TTN: variants seen among roughly 807,000 people sequenced by gnomAD.
TTN encodes titin.
A neutral mutation model predicts 3,223.0 loss-of-function variants in TTN; 1,525 were observed. The observed-to-expected ratio is 0.47, with a 90% CI of 0.45 to 0.49. The LOEUF (loss-of-function observed/expected upper bound fraction) is 0.49. Ranked by LOEUF, TTN falls within the 20% of genes least tolerant of loss-of-function variation. The pLI, the probability that TTN is intolerant of heterozygous loss-of-function variation, is 0.00. For missense variants in TTN, 40,786 were observed against 43,424.0 expected, an observed-to-expected ratio of 0.94 and a Z score of 5.40; for synonymous variants, 14,094 against 15,161.0, an observed-to-expected ratio of 0.93 and a Z score of 5.17.
intron 173 of TTN, 48 bp from the exon 174 acceptor site, chr2:178,663,103 A>G (rs1316816881): frequency 1.2e-6 from 2 of 1,601,526 alleles, no homozygotes; most frequent in Non-Finnish European, 1.7e-6. Context: ...AAAATGATGG[A>G]TGCCTTTTGC....
At position 178,554,698 on chromosome 2, in the gene TTN, T is replaced by A. The variant is rs750362797; in HGVS notation, c.88649A>T (p.Lys29550Met). The A allele has an allele frequency of 1.9e-6, 3 of 1,613,830 alleles. No individual in the cohort carries two copies. The highest frequency in any genetic ancestry group is 2.5e-6 in the Non-Finnish European group (3 of 1,179,850). ...TGGAGGCCGCCAGAGAAGGGTGATC[T>A]TCTCAGCAGTTACAGTCTTAAATTC... ...PIEFKTVTAE[K>M]ITLLWRPPAD... Residue 29550 changes from lysine (K) to methionine (M), a missense_variant, in exon 332 of 363, where the codon AAG becomes ATG. Coordinates refer to ENST00000589042, the MANE Select transcript of TTN (RefSeq NM_001267550.2).
chr2:178,669,233 T>C, intron 159 of TTN, 140 bp downstream of exon 159: 1 of 653,270 alleles, frequency 1.5e-6, no homozygotes, highest in Non-Finnish European at 2.5e-6. Flanking sequence ...GACACTAAGA[T>C]TATTTGAGTC....
chr2:178,762,407 A>T (rs559893258), intron 43 of TTN, among the ~76,000 whole-genome samples: 10 of 152,224 alleles, frequency 6.6e-5, no homozygotes, highest in Non-Finnish European at 1.0e-4. Context: ...CAGAAAAGAT[A>T]GTGAAATTTT....
Position 178,537,237 on chromosome 2 carries a change from G to T in TTN, c.99872C>A (p.Pro33291Gln). The change falls in exon 356 of 363, where the codon CCA becomes CAA. Residue 33291 changes from proline (P) to glutamine (Q), a missense_variant. Coordinates refer to ENST00000589042, the MANE Select transcript of TTN (RefSeq NM_001267550.2). ...CACAATTGGTCCTGTAGGTTTGTCTGGTTTATCTGTTGGGGGAAAATACAA... is the reference window on the plus strand; with the variant it reads ...CACAATTGGTCCTGTAGGTTTGTCTTGTTTATCTGTTGGGGGAAAATACAA... Reference protein sequence around the residue: ...AILDVEIQDKPDKPTGPIVIE... With the variant: ...AILDVEIQDKQDKPTGPIVIE... 6.3e-7 allele frequency: 1 copy of T among 1,589,182 alleles called. No individual in the cohort carries two copies. The highest frequency in any genetic ancestry group is 1.7e-5 in the Admixed American group (1 of 57,162).
chr2:178,693,572 A>G, intron 119 of TTN, 37 bp downstream of exon 119: 1 of 1,415,068 alleles, frequency 7.1e-7, no homozygotes, highest in South Asian at 1.4e-5. Context: ...ACTAATTTTT[A>G]TTAAAAGAGT....
chr2:178,535,856 C>T lies in TTN; in HGVS notation c.100766-7G>A. The T allele has an allele frequency of 7.4e-7, 1 of 1,355,678 alleles. No homozygotes were observed. Among genetic ancestry groups the T allele is most frequent in the Non-Finnish European group, 9.8e-7 (1 of 1,023,322 alleles). 84.0% of individuals were successfully genotyped at this position (1,355,678 alleles called of 1,614,324 possible). A position where few individuals can be genotyped will look rare whatever the true frequency, so the allele number is the denominator to read the frequency against. On this transcript the variant is annotated splice_region_variant and splice_polypyrimidine_tract_variant and intron_variant, in intron 357 of 362. Transcript: ENST00000589042. ...AAGTGTATCTTAGCTGGAACTGTATCAGAAAAAAAAAAAAAAAGAATATAA... is the reference window on the plus strand; with the variant it reads ...AAGTGTATCTTAGCTGGAACTGTATTAGAAAAAAAAAAAAAAAGAATATAA...
chr2:178,579,159 G>A lies in TTN; in HGVS notation c.67871C>T (p.Thr22624Ile). The change falls in exon 320 of 363, where the codon ACA becomes ATA. Residue 22624 changes from threonine to isoleucine, a missense_variant. By Grantham distance (89) the Thr-to-Ile change is moderately conservative. Transcript: ENST00000589042. ...CTTGGTGCCAGCAACATTCTTAAGT[G>A]TGATTGTGTATTTTCCAGCATCAGA... is the stretch of plus-strand genomic sequence containing the variant. Reference protein sequence around the residue: ...QKSDAGKYTITLKNVAGTKEG... With the variant: ...QKSDAGKYTIILKNVAGTKEG... 6.2e-7 allele frequency: 1 copy of A among 1,613,362 alleles called. No homozygotes were observed. The highest frequency in any genetic ancestry group is 8.5e-7 in the Non-Finnish European group (1 of 1,179,528).
rs760963803 is a variant in TTN, at chr2:178,622,687, A to G, written c.44896T>C (p.Ser14966Pro). ...TCACAGACCTTAGCATTTTCTCGGG[A>G]AAGTTCACACTCAAATCGAGCCATT... ...KEMARFECEL[S>P]RENAKVKWFK... The change falls in exon 243 of 363, where the codon TCC becomes CCC. Residue 14966 changes from serine (S) to proline (P), a missense_variant. Ser to Pro is a moderately conservative substitution (Grantham distance 74, BLOSUM62 -1). Coordinates refer to ENST00000589042, the MANE Select transcript of TTN (RefSeq NM_001267550.2). 6.2e-7 allele frequency: 1 copy of G among 1,606,624 alleles called. No homozygotes were observed. The highest frequency in any genetic ancestry group is 1.1e-5 in the South Asian group (1 of 89,624).
In TTN at chr2:178,528,936, A is replaced by C. The variant is rs1256286369; in HGVS notation, c.106815T>G (p.Thr35605=). The change falls in exon 360 of 363, where the codon ACT becomes ACG. Residue 35605 remains threonine (T), a synonymous_variant. Coordinates refer to ENST00000589042, the MANE Select transcript of TTN (RefSeq NM_001267550.2). ...TAGAAAATGCTTTAATCTCAGCATG[A>C]GTTCTGACTTCTTCTGATGCCTGTG... ...KTSQASEEVR[T]HAEIKAFSTQ... The C allele has an allele frequency of 6.2e-7, 1 of 1,614,008 alleles. No individual in the cohort carries two copies. The highest frequency in any genetic ancestry group is 8.5e-7 in the Non-Finnish European group (1 of 1,179,876).
At chr2:178,801,472 A>T (rs1352334066) in intron 3 of TTN, among the ~76,000 whole-genome samples, 1 of 152,216 alleles carries the variant, frequency 6.6e-6, no homozygotes, top group Admixed American at 6.5e-5. Flanking sequence ...CTATAATTGA[A>T]CATCATTGAA....
intron 13 of TTN, among the ~76,000 whole-genome samples, chr2:178,786,363 C>T (rs1025456581): frequency 2.0e-5 from 3 of 152,162 alleles, no homozygotes; most frequent in Admixed American, 2.0e-4. Flanking sequence ...TTATACTAGA[C>T]ATTAAATCAC....
intron 231 of TTN, 42 bp from the exon 232 acceptor site, chr2:178,633,718 T>C (rs757491440): frequency 3.7e-6 from 6 of 1,604,956 alleles, no homozygotes; most frequent in Admixed American, 1.7e-5. Context: ...AATGTGAAAA[T>C]TAAAGTTTAT....
chr2:178,551,576 G>A, intron 335 of TTN, 54 bp downstream of exon 335: 1 of 1,402,328 alleles, frequency 7.1e-7, no homozygotes, highest in South Asian at 1.4e-5. Context: ...TGATATATTT[G>A]TTTCTAATAT....
In TTN at chr2:178,678,142, T is replaced by A; in HGVS notation, c.33977A>T (p.Glu11326Val). ...KKPTPVPKKVEAPPPKVPKKR... is the reference protein window; with the variant it reads ...KKPTPVPKKVVAPPPKVPKKR... ...TAATGTACCTTTGGGTGGTGGTGCT[T>A]CCACTTTTTTCGGAACAGGTGTTGG... Residue 11326 changes from glutamate to valine, a missense_variant, in exon 145 of 363, where the codon GAA becomes GTA. Glu to Val is a moderately radical substitution (Grantham distance 121). Coordinates refer to ENST00000589042, the MANE Select transcript of TTN (RefSeq NM_001267550.2). The A allele has an allele frequency of 6.2e-7, 1 of 1,611,254 alleles. No homozygotes were observed. Among genetic ancestry groups the A allele is most frequent in the Non-Finnish European group, 8.5e-7 (1 of 1,178,948 alleles).
chr2:178,667,482 A>C lies in TTN; in HGVS notation c.35673T>G (p.Tyr11891Ter). The C allele has an allele frequency of 1.3e-6, 2 of 1,599,736 alleles. No individual in the cohort carries two copies. The highest frequency in any genetic ancestry group is 1.7e-6 in the Non-Finnish European group (2 of 1,178,968). The change falls in exon 161 of 363, where the codon TAT becomes TAG. Residue 11891 changes from tyrosine (Y) to a stop codon, truncating the protein, a stop_gained. Transcript: ENST00000589042. LOFTEE classifies it high-confidence loss of function. ...TTTCTCTCTTTTTAGGAATAGTCAC[A>C]TATATTTTGTCTTCTGGAACAACTT... The part of the protein sequence containing the change: ...PKKVVPEDKI[Y>*]VTIPKKRETP...
intron 240 of TTN, among the ~76,000 whole-genome samples, chr2:178,628,106 C>CT (rs1359636755): frequency 6.6e-6 from 1 of 152,020 alleles, no homozygotes; most frequent in Non-Finnish European, 1.5e-5. Flanking sequence ...CCAAGAAGAT[C>CT]TTATTATCTG....
chr2:178,571,469 C>G lies in TTN; in HGVS notation c.74663G>C (p.Arg24888Thr), dbSNP rs1708151139. 5.6e-6 allele frequency: 9 copies of G among 1,613,246 alleles called. No homozygotes were observed. The African/African-American group carries it at 9.3e-5, about 17-fold the overall frequency. ...EYQFRIAAEN[R>T]YGKSTYLNSE... ...ATTGAGGTAGGTACTCTTCCCATAT[C>G]TGTTTTCAGCTGCAATTCTAAACTG... Residue 24888 changes from arginine (R) to threonine (T), a missense_variant, in exon 326 of 363, where the codon AGA becomes ACA. By Grantham distance (71) the Arg-to-Thr change is moderately conservative. Transcript: ENST00000589042.
In TTN at chr2:178,731,113, T is replaced by C. The variant is rs547188027; in HGVS notation, c.17552A>G (p.Glu5851Gly). ...ATCTTTAAACCATTTGGCTGTAATC[T>C]CCTTAGTCCCTGAAAATTTAACCTG... ...TLQVKFSGTKEITAKWFKDGQ... is the reference protein window; with the variant it reads ...TLQVKFSGTKGITAKWFKDGQ... Residue 5851 changes from glutamate (E) to glycine (G), a missense_variant, in exon 60 of 363, where the codon GAG (glutamate) becomes GGG (glycine). Coordinates refer to ENST00000589042, the MANE Select transcript of TTN (RefSeq NM_001267550.2). The C allele has an allele frequency of 6.2e-7, 1 of 1,613,726 alleles. No individual in the cohort carries two copies. Among genetic ancestry groups the C allele is most frequent in the Admixed American group, 1.7e-5 (1 of 59,990 alleles).
rs749438176 is a variant in TTN at position 178,591,710 on chromosome 2, C to G, written c.60109G>C (p.Val20037Leu). The change falls in exon 303 of 363, where the codon GTT (valine) becomes CTT (leucine). Residue 20037 changes from valine to leucine, a missense_variant. Transcript: ENST00000589042. Reference sequence around the variant, plus strand: ...GTCTTTCCTTGTTGTAGTCCAGTAACCACACACTCTAAGTTTGTCACAGTC... The same window carrying G: ...GTCTTTCCTTGTTGTAGTCCAGTAAGCACACACTCTAAGTTTGTCACAGTC... The part of the protein sequence containing the change: ...FKTVTNLECV[V>L]TGLQQGKTYR... 1.2e-6 allele frequency: 2 copies of G among 1,613,238 alleles called. No homozygotes were observed. Among genetic ancestry groups the G allele is most frequent in the African/African-American group, 2.7e-5 (2 of 74,846 alleles).
Sources: gnomAD v4.1 joint callset for allele counts (sites outside exome capture counted in the v4.1 genomes callset) on GRCh38, gnomAD v4.1.1 for gene constraint, MANE v1.5 for transcripts, NCBI Gene and HGNC (gene_info 2026-07-23, HGNC 2026-07-21) for gene names.